The following EDNRB variants were observed in gnomAD, a reference collection of about 807,000 sequenced individuals.
EDNRB encodes the protein endothelin receptor type B.
A neutral mutation model predicts 46.4 loss-of-function variants in EDNRB; 18 were observed. The ratio of observed to expected loss-of-function variants is 0.39; its 90% CI spans 0.27 to 0.57. The LOEUF is 0.57. Ranked by LOEUF, EDNRB falls within the 20% of genes least tolerant of loss-of-function variation. EDNRB has a pLI of 0.61. For synonymous variants in EDNRB, 213 were observed against 204.9 expected (o/e 1.04, Z -0.34); for missense variants, 434 against 537.5 (o/e 0.81, Z 1.90).
chr13:77,958,708 AC>A (rs1881312584), intron 1 of EDNRB, among the ~76,000 whole-genome samples: 1 of 152,134 alleles, frequency 6.6e-6, no homozygotes, highest in African/African-American at 2.4e-5. Context: ...AGCATTGAGA[AC>A]CTTTGCTTTA....
At chr13:77,918,979 G>A, upstream of EDNRB, 1 of 1,017,270 alleles carries the variant, frequency 9.8e-7, no homozygotes, top group Non-Finnish European at 1.2e-6. This position sits in a 1 kb window ranked among gnomAD's most constrained non-coding sequence, Gnocchi z 4.5. Context: ...TTAGTTAAGC[G>A]TGCGTGGGAA....
chr13:77,970,463 G>A (rs1037304130), intron 1 of EDNRB, among the ~76,000 whole-genome samples: 1 of 152,124 alleles, frequency 6.6e-6, no homozygotes, highest in Non-Finnish European at 1.5e-5. Flanking sequence ...TTTTAGGATA[G>A]TTTGTAACTG....
At chr13:77,898,735 T>A (rs1275852548) in intron 6 of EDNRB, among the ~76,000 whole-genome samples, 1 of 151,922 alleles carries the variant, frequency 6.6e-6, no homozygotes, top group Admixed American at 6.6e-5. Flanking sequence ...AGTATAATTA[T>A]TTTACTGAGA....
intron 1 of EDNRB, among the ~76,000 whole-genome samples, chr13:77,971,789 C>T (rs1347612794): frequency 1.3e-5 from 2 of 152,112 alleles, no homozygotes; most frequent in East Asian, 1.9e-4. Context: ...TTGAAAGATC[C>T]ATAGGGACTT....
upstream of EDNRB, among the ~76,000 whole-genome samples, chr13:77,924,146 C>A (rs1410207006): frequency 6.6e-6 from 1 of 152,148 alleles, no homozygotes; most frequent in Non-Finnish European, 1.5e-5. Context: ...TCATGGCATG[C>A]TTTTGTCAAA....
rs1878656856 is a variant in EDNRB, at chr13:77,896,868, G to A, written c.*1332C>T. On this transcript the variant is annotated 3_prime_UTR_variant, in exon 7 of 7. Transcript: ENST00000646607. Reference sequence around the variant, plus strand: ...TTTGCTTAGAAGATATAAAAATTAGGCAGGAACGCACAAAGCTAAGAGGTT... The same window carrying A: ...TTTGCTTAGAAGATATAAAAATTAGACAGGAACGCACAAAGCTAAGAGGTT... The A allele has an allele frequency of 1.9e-6, 2 of 1,026,240 alleles. No homozygotes were observed. Among genetic ancestry groups the A allele is most frequent in the Non-Finnish European group, 1.2e-6 (1 of 857,444 alleles). 63.6% of individuals were successfully genotyped at this position (1,026,240 alleles called of 1,614,324 possible).
At chr13:77,962,961 A>T (rs1271415659) in intron 1 of EDNRB, among the ~76,000 whole-genome samples, 1 of 152,220 alleles carries the variant, frequency 6.6e-6, no homozygotes, top group East Asian at 1.9e-4. Flanking sequence ...AATCACAAGC[A>T]TTCTTATACA....
At position 77,896,432 on chromosome 13, in the gene EDNRB, G is replaced by T. The variant is rs770758645; in HGVS notation, c.*1768C>A. The T allele has an allele frequency of 6.4e-6, 10 of 1,554,102 alleles. No individual in the cohort carries two copies. The East Asian group carries it at 2.4e-4, about 37-fold the overall frequency. ...GGTGATTTATAAATAGAATCCATAT[G>T]GTGTGTGAATTAATTATTATTGCTC... On this transcript the variant is annotated 3_prime_UTR_variant, in exon 7 of 7. Coordinates refer to ENST00000646607, the MANE Select transcript of EDNRB (RefSeq NM_001122659.3).
chr13:77,919,165 A>C (rs1375735472), upstream of EDNRB: 2 of 560,226 alleles, frequency 3.6e-6, no homozygotes, highest in East Asian at 6.7e-5. Flanking sequence ...AGTGCGCCGG[A>C]GATTCGGAAA....
chr13:77,925,935 C>T (rs1236323247), intron 1 of EDNRB, among the ~76,000 whole-genome samples: 1 of 152,248 alleles, frequency 6.6e-6, no homozygotes. Context: ...ACCATGGGAA[C>T]CCACCTCTTG....
chr13:77,896,470 C>A lies in EDNRB; in HGVS notation c.*1730G>T, dbSNP rs201150464. The A allele has an allele frequency of 1.9e-6, 3 of 1,575,532 alleles. No homozygotes were observed. The highest frequency in any genetic ancestry group is 2.6e-6 in the Non-Finnish European group (3 of 1,158,760). ...ATTATTATTGCTCTTTCTTTCTGGC[C>A]ACATTGTTGGGTTTTGGTTTACTGT... is the stretch of plus-strand genomic sequence containing the variant. On this transcript the variant is annotated 3_prime_UTR_variant, in exon 7 of 7. Transcript: ENST00000646607.
intron 1 of EDNRB, among the ~76,000 whole-genome samples, chr13:77,925,249 T>C (rs990074903): frequency 3.3e-5 from 5 of 152,234 alleles, no homozygotes; most frequent in African/African-American, 1.2e-4. Flanking sequence ...TTTTTAAGGC[T>C]AAATAATATC....
At chr13:77,949,516 T>C (rs1468580614) in intron 1 of EDNRB, among the ~76,000 whole-genome samples, 1 of 152,206 alleles carries the variant, frequency 6.6e-6, no homozygotes, top group African/African-American at 2.4e-5. Context: ...TTGCCCTTTG[T>C]CTTCCAAAAA....
chr13:77,957,095 A>G (rs1361609629), intron 1 of EDNRB, among the ~76,000 whole-genome samples: 1 of 152,186 alleles, frequency 6.6e-6, no homozygotes, highest in Non-Finnish European at 1.5e-5. Context: ...CAGTTGTAAT[A>G]ATATAATATT....
intron 1 of EDNRB, among the ~76,000 whole-genome samples, chr13:77,917,617 C>G (rs1879876035): frequency 6.6e-6 from 1 of 152,162 alleles, no homozygotes; most frequent in Non-Finnish European, 1.5e-5. Flanking sequence ...GGACCACACA[C>G]TTTTGACTAG....
chr13:77,898,084 T>C lies in EDNRB; in HGVS notation c.*116A>G. On this transcript the variant is annotated 3_prime_UTR_variant, in exon 7 of 7. Transcript: ENST00000646607. ...GTTAAAATAATTACACTTAATATTTTAATAGTGTGCTGTGCAAATACATAG... is the reference window on the plus strand; with the variant it reads ...GTTAAAATAATTACACTTAATATTTCAATAGTGTGCTGTGCAAATACATAG... 1 of 1,507,662 alleles carries C rather than the reference T, an allele frequency of 6.6e-7. No homozygotes were observed. The highest frequency in any genetic ancestry group is 8.8e-7 in the Non-Finnish European group (1 of 1,131,018). The allele number at this position is 1,507,662 out of a possible 1,614,324, so 93.4% of individuals were successfully genotyped here. A position where few individuals can be genotyped will look rare whatever the true frequency, so the allele number is the denominator to read the frequency against.
chr13:77,935,196 C>T (rs940450776), intron 1 of EDNRB, among the ~76,000 whole-genome samples: 13 of 152,192 alleles, frequency 8.5e-5, no homozygotes, highest in African/African-American at 1.9e-4. Flanking sequence ...ATTAGGGCGG[C>T]GGCGGCCGCC....
chr13:77,908,043 A>AAAAAAAAAAAAGAG, intron 1 of EDNRB, among the ~76,000 whole-genome samples: 1 of 72,448 alleles, frequency 1.4e-5, no homozygotes, highest in Non-Finnish European at 2.4e-5. Context: ...AAAAAAAAAA[A>AAAAAAAAAAAAGAG]AGAGAGAGAG....
intron 1 of EDNRB, among the ~76,000 whole-genome samples, chr13:77,963,638 T>G (rs942878598): frequency 5.3e-5 from 8 of 152,174 alleles, no homozygotes; most frequent in Admixed American, 3.9e-4. Context: ...ATTAAAGACT[T>G]AAATGTTAGA....
Sources: allele counts gnomAD v4.1 joint callset (sites outside exome capture counted in the v4.1 genomes callset), GRCh38; gene constraint gnomAD v4.1.1; non-coding constraint Gnocchi (gnomAD v3.1); transcripts MANE v1.5; gene names NCBI Gene and HGNC (gene_info 2026-07-23, HGNC 2026-07-21).